The following LTBP4 variants were observed in gnomAD, a reference collection of about 807,000 sequenced individuals.
The protein encoded by LTBP4 is latent-transforming growth factor beta-binding protein 4.
A neutral mutation model predicts 180.2 loss-of-function variants in LTBP4; 93 were observed. The observed-to-expected ratio is 0.52, with a 90% CI of 0.44 to 0.61. The LOEUF is 0.61. Among genes scored for constraint, LTBP4 ranks in the 20% least tolerant of loss-of-function variants. The probability of loss-of-function intolerance (pLI) is 0.00; values close to 1 mark genes in which losing one functional copy is unlikely to be tolerated. For synonymous variants in LTBP4, 947 were observed against 934.5 expected, an observed-to-expected ratio of 1.01 and a Z score of -0.24; for missense variants, 2,116 against 2,256.5, an observed-to-expected ratio of 0.94 and a Z score of 1.26.
chr19:40,619,590 A>AT, intron 22 of LTBP4, 97 bp downstream of exon 22: 1 of 1,340,226 alleles, frequency 7.5e-7, no homozygotes, highest in Non-Finnish European at 1.0e-6. Flanking sequence ...CATCAGCTAA[A>AT]TACTGTTGTT....
chr19:40,596,263 A>G (rs2081389943), intron 1 of LTBP4, among the ~76,000 whole-genome samples: 1 of 151,796 alleles, frequency 6.6e-6, no homozygotes, highest in African/African-American at 2.4e-5. Context: ...ATGTTGTACT[A>G]TGTTGCTCAG....
chr19:40,614,274 T>C, intron 18 of LTBP4, 41 bp from the exon 19 acceptor site: 4 of 1,583,572 alleles, frequency 2.5e-6, no homozygotes, highest in Middle Eastern at 3.3e-4. Context: ...CCATCTTGCC[T>C]CCCTGCTTCC....
intron 12 of LTBP4, 154 bp downstream of exon 12, chr19:40,610,811 G>C (rs771658005): frequency 1.5e-5 from 18 of 1,186,264 alleles, no homozygotes; most frequent in Non-Finnish European, 1.7e-5. Flanking sequence ...TGGCAGTAGA[G>C]AGAGACCTGG....
chr19:40,611,809 G>T lies in LTBP4; in HGVS notation c.2054-50G>T. On this transcript the variant is annotated intron_variant, in intron 13 of 29. Transcript: ENST00000396819. This position sits in a 1 kb window ranked among gnomAD's most constrained non-coding sequence, Gnocchi z 4.4. ...GCTGGGGTGGGTGGTGATGGCCATG[G>T]GAATGGATTCAGGCCCCTTCCTCAG... is the stretch of plus-strand genomic sequence containing the variant. The T allele has an allele frequency of 6.4e-7, 1 of 1,571,908 alleles. No homozygotes were observed.
At chr19:40,617,279 G>T (rs1326264142) in intron 21 of LTBP4, 54 bp downstream of exon 21, 1 of 1,579,060 alleles carries the variant, frequency 6.3e-7, no homozygotes, top group Admixed American at 1.8e-5. Flanking sequence ...AGGTTGGTCA[G>T]GCCCTGTCCC....
chr19:40,602,989 T>C (rs1191948179), intron 1 of LTBP4, among the ~76,000 whole-genome samples: 2 of 152,074 alleles, frequency 1.3e-5, no homozygotes, highest in Non-Finnish European at 2.9e-5. Context: ...AAGCCCCCAT[T>C]AGACCACCCT....
Position 40,608,619 on chromosome 19 carries a change from C to T in LTBP4, c.1426+16C>T, listed in dbSNP as rs1422993785. 2 of 1,570,490 alleles carry T rather than the reference C, an allele frequency of 1.3e-6. No homozygotes were observed. Among genetic ancestry groups the T allele is most frequent in the South Asian group, 2.3e-5 (2 of 85,488 alleles). On this transcript the variant is annotated intron_variant, in intron 9 of 29. Coordinates refer to ENST00000396819, the MANE Select transcript of LTBP4 (RefSeq NM_001042545.2). ...CCTGAATCAGGTTTGCTAGAAAGAACTGAGGGCATTGGGCCTGCAGCAGTG... is the reference window on the plus strand; with the variant it reads ...CCTGAATCAGGTTTGCTAGAAAGAATTGAGGGCATTGGGCCTGCAGCAGTG...
At position 40,617,007 on chromosome 19, in the gene LTBP4, G is replaced by T; in HGVS notation, c.2931G>T (p.Gly977=). The change falls in exon 20 of 30, where the codon GGG becomes GGT. Residue 977 remains glycine, a synonymous_variant. Coordinates refer to ENST00000396819, the MANE Select transcript of LTBP4 (RefSeq NM_001042545.2). Reference sequence around the variant, plus strand: ...ACCCTGGCTATCAGCCCACGCCAGGGGGCGGATGCCAGGGTGGGTGTCCAT... The same window carrying T: ...ACCCTGGCTATCAGCCCACGCCAGGTGGCGGATGCCAGGGTGGGTGTCCAT... ...ACDPGYQPTP[G]GGCQDVDECR... is the part of the protein sequence containing the mutation. The T allele has an allele frequency of 6.2e-7, 1 of 1,613,270 alleles. No homozygotes were observed. Among genetic ancestry groups the T allele is most frequent in the Non-Finnish European group, 8.5e-7 (1 of 1,179,212 alleles).
At chr19:40,618,972 G>T (rs28655571) in intron 21 of LTBP4, among the ~76,000 whole-genome samples, 74,901 of 151,816 alleles carry the variant, frequency 0.49, 19,655 homozygotes, top group African/African-American at 0.68. Context: ...CATCTCCAGT[G>T]GGCCACCCGA....
chr19:40,602,188 CG>C (rs1219309779), intron 1 of LTBP4, among the ~76,000 whole-genome samples: 2 of 8,796 alleles, frequency 2.3e-4, no homozygotes, highest in Non-Finnish European at 4.0e-4. Context: ...TGTGTGGCGG[CG>C]GGGGTGGGGT....
At position 40,627,143 on chromosome 19, in the gene LTBP4, A is replaced by T. The variant is rs763692669; in HGVS notation, c.4154A>T (p.Tyr1385Phe). 2 of 1,610,020 alleles carry T rather than the reference A, an allele frequency of 1.2e-6. No homozygotes were observed. The highest frequency in any genetic ancestry group is 1.7e-6 in the Non-Finnish European group (2 of 1,178,770). Residue 1385 changes from tyrosine to phenylalanine, a missense_variant, in exon 28 of 30, where the codon TAC becomes TTC. Tyr to Phe is a conservative substitution (Grantham distance 22). Around this residue, in one of 5 missense-constraint regions of LTBP4, gnomAD observed 488 missense variants for 458.8 expected, o/e 1.06. Transcript: ENST00000396819. The stretch of plus-strand genomic sequence containing the variant: ...CCACCTGCGCTACCCTACGACCCCT[A>T]CCCACCGCCACCTGGGCCCTTCGCC... ...YPPPALPYDP[Y>F]PPPPGPFARR... is the part of the protein sequence containing the mutation.
At chr19:40,624,107 C>T (rs1009994048) in intron 26 of LTBP4, 25 bp downstream of exon 26, 2 of 1,504,306 alleles carry the variant, frequency 1.3e-6, no homozygotes, top group Non-Finnish European at 1.8e-6. Context: ...GCCATCCAGG[C>T]CCTCCTTCCC....
upstream of LTBP4, chr19:40,597,423 T>A: frequency 1.4e-6 from 2 of 1,454,276 alleles, no homozygotes; most frequent in Non-Finnish European, 1.8e-6. Context: ...CCAATAAGTC[T>A]GGTGGTCCAG....
At position 40,609,760 on chromosome 19, in the gene LTBP4, C is replaced by G; in HGVS notation, c.1573C>G (p.Arg525Gly). 1 of 1,612,050 alleles carries G rather than the reference C, an allele frequency of 6.2e-7. No individual in the cohort carries two copies. The highest frequency in any genetic ancestry group is 1.1e-5 in the South Asian group (1 of 91,036). Reference protein sequence around the residue: ...GTRCIDVDECRRVPPPCAPGR... With the variant: ...GTRCIDVDECGRVPPPCAPGR... Reference sequence around the variant, plus strand: ...CGTGTCCTCAGATGTGGACGAATGTCGCCGCGTGCCCCCGCCCTGTGCTCC... The same window carrying G: ...CGTGTCCTCAGATGTGGACGAATGTGGCCGCGTGCCCCCGCCCTGTGCTCC... Residue 525 changes from arginine (R) to glycine (G), a missense_variant, in exon 11 of 30, where the codon CGC becomes GGC. By Grantham distance (125) the Arg-to-Gly change is moderately radical. This residue lies in a region of LTBP4 where 877 missense variants were observed against 873.6 expected (regional missense o/e 1.00). Coordinates refer to ENST00000396819, the MANE Select transcript of LTBP4 (RefSeq NM_001042545.2). The surrounding 1 kb of genome is among the most constrained non-coding windows in gnomAD (Gnocchi z 4.9).
At chr19:40,625,433 ACTCT>A (rs1029598645) in intron 26 of LTBP4, among the ~76,000 whole-genome samples, 2 of 147,228 alleles carry the variant, frequency 1.4e-5, no homozygotes, top group African/African-American at 5.0e-5. Context: ...GCTCCAACAC[ACTCT>A]CTCTGTGCTT....
intron 26 of LTBP4, 73 bp from the exon 27 acceptor site, chr19:40,625,784 C>A: frequency 7.4e-7 from 1 of 1,360,376 alleles, no homozygotes. Flanking sequence ...GGCTGCTCAG[C>A]AGGGGAAGGG....
chr19:40,623,759 C>T (rs767002525), intron 25 of LTBP4, 27 bp downstream of exon 25: 5 of 1,612,806 alleles, frequency 3.1e-6, no homozygotes, highest in Non-Finnish European at 3.4e-6. Context: ...CCCCAACCCC[C>T]GGCAACTCTC....
rs1284536602 is a variant in LTBP4 at position 40,608,241 on chromosome 19, C to T, written c.1178C>T (p.Pro393Leu). 8.1e-6 allele frequency: 13 copies of T among 1,613,848 alleles called. No individual in the cohort carries two copies. The highest frequency in any genetic ancestry group is 1.7e-5 in the Admixed American group (1 of 60,002). The part of the protein sequence containing the change: ...FGSEGFREIC[P>L]AGPGYHYSAS... ...CCAGAGGGTTTCCGGGAGATCTGCCCGGCTGGTCCTGGTTACCACTACTCG... is the reference window on the plus strand; with the variant it reads ...CCAGAGGGTTTCCGGGAGATCTGCCTGGCTGGTCCTGGTTACCACTACTCG... The change falls in exon 8 of 30, where the codon CCG becomes CTG. Residue 393 changes from proline to leucine, a missense_variant. Coordinates refer to ENST00000396819, the MANE Select transcript of LTBP4 (RefSeq NM_001042545.2).
In LTBP4 at chr19:40,622,588, A is replaced by G. The variant is rs2081593969; in HGVS notation, c.3405A>G (p.Thr1135=). 6.2e-7 allele frequency: 1 copy of G among 1,613,724 alleles called. No homozygotes were observed. The highest frequency in any genetic ancestry group is 8.5e-7 in the Non-Finnish European group (1 of 1,179,822). Residue 1135 remains threonine, a synonymous_variant, in exon 23 of 30, where the codon ACA becomes ACG. Transcript: ENST00000396819. This position sits in a 1 kb window ranked among gnomAD's most constrained non-coding sequence, Gnocchi z 5.1. The part of the protein sequence containing the change: ...ACDNILARNV[T]WQECCCTVGE... ...ACAACATCCTGGCTCGGAATGTGAC[A>G]TGGCAGGAGTGCTGCTGTACTGTGG...
Sources: gnomAD v4.1 joint callset for allele counts (sites outside exome capture counted in the v4.1 genomes callset) on GRCh38, gnomAD v4.1.1 for gene constraint, gnomAD v4.1.1 regional missense constraint, Gnocchi (gnomAD v3.1) non-coding constraint, MANE v1.5 for transcripts, NCBI Gene and HGNC (gene_info 2026-07-23, HGNC 2026-07-21) for gene names.